The following FSTL4 variants were observed in gnomAD, a reference collection of about 807,000 sequenced individuals.
The protein encoded by FSTL4 is follistatin like 4, also known as follistatin-related protein 4.
In FSTL4, 28 loss-of-function variants were observed where a neutral mutation model predicts 78.2. The observed-to-expected ratio is 0.36, with a 90% CI of 0.27 to 0.49. The LOEUF is 0.49. Among genes scored for constraint, FSTL4 ranks in the 20% least tolerant of loss-of-function variants. The pLI is 0.98. For missense variants in FSTL4, 922 were observed against 1,084.9 expected (o/e 0.85, Z 2.11); for synonymous variants, 422 against 440.5 (o/e 0.96, Z 0.53).
intron 2 of FSTL4, among the ~76,000 whole-genome samples, chr5:133,573,645 CTG>C (rs1760210140): frequency 6.6e-6 from 1 of 152,132 alleles, no homozygotes; most frequent in Non-Finnish European, 1.5e-5. Context: ...TAAAAAATCT[CTG>C]TCTTTAACTG....
intron 3 of FSTL4, among the ~76,000 whole-genome samples, chr5:133,502,279 C>A (rs1053278871): frequency 6.6e-6 from 1 of 152,158 alleles, no homozygotes; most frequent in African/African-American, 2.4e-5. Context: ...AAGCAGAGAG[C>A]TTTGTCTGGC....
intron 3 of FSTL4, among the ~76,000 whole-genome samples, chr5:133,424,520 T>A (rs998394977): frequency 2.5e-4 from 38 of 152,236 alleles, no homozygotes; most frequent in African/African-American, 9.2e-4. Flanking sequence ...GTCTTTAGAA[T>A]GTCCAGGGGC....
chr5:133,475,810 C>G (rs1757915885), intron 3 of FSTL4, among the ~76,000 whole-genome samples: 2 of 152,200 alleles, frequency 1.3e-5, no homozygotes. Flanking sequence ...CCCGCTACTT[C>G]AACAATTTGC....
intron 3 of FSTL4, 136 bp from the exon 4 acceptor site, chr5:133,401,122 T>TGGG (rs936602682): frequency 7.4e-6 from 7 of 948,028 alleles, no homozygotes; most frequent in Admixed American, 2.2e-5. Context: ...CCTGGGGGCT[T>TGGG]GGGGTCTCCT....
At chr5:133,260,013 GCCT>G (rs1449042179) in intron 6 of FSTL4, among the ~76,000 whole-genome samples, 1 of 152,094 alleles carries the variant, frequency 6.6e-6, no homozygotes, top group Non-Finnish European at 1.5e-5. Flanking sequence ...CACTTTCTTG[GCCT>G]CCTCCAGTGA....
At chr5:133,308,173 T>A (rs1379976190) in intron 6 of FSTL4, among the ~76,000 whole-genome samples, 2 of 152,200 alleles carry the variant, frequency 1.3e-5, no homozygotes, top group Admixed American at 6.5e-5. Flanking sequence ...GTGAATCAGT[T>A]CTTCGGCCAC....
chr5:133,303,302 A>G (rs1342868076), intron 6 of FSTL4, among the ~76,000 whole-genome samples: 2 of 152,234 alleles, frequency 1.3e-5, no homozygotes, highest in Non-Finnish European at 2.9e-5. Flanking sequence ...CACGATAAGT[A>G]GGGATCAGTA....
intron 3 of FSTL4, among the ~76,000 whole-genome samples, chr5:133,504,268 A>G (rs1758566418): frequency 6.6e-6 from 1 of 152,082 alleles, no homozygotes; most frequent in Non-Finnish European, 1.5e-5. Context: ...AAAAGGCAGG[A>G]ATCTAGGAAG....
chr5:133,723,646 G>T, the FSTL4 span, among the ~76,000 whole-genome samples: 1 of 152,214 alleles, frequency 6.6e-6, no homozygotes, highest in Admixed American at 6.5e-5. Flanking sequence ...GTAGGCAGGG[G>T]ATTGTGGCTG....
chr5:133,735,980 G>T, the FSTL4 span, among the ~76,000 whole-genome samples: 5 of 152,308 alleles, frequency 3.3e-5, no homozygotes, highest in South Asian at 8.3e-4. Context: ...AGAGGAAGAT[G>T]ACAGTGGGTA....
intron 8 of FSTL4, among the ~76,000 whole-genome samples, chr5:133,229,547 G>A (rs1008064774): frequency 2.6e-5 from 4 of 151,984 alleles, no homozygotes; most frequent in Non-Finnish European, 5.9e-5. Flanking sequence ...AGTTGGTCAG[G>A]GCTTGACAAA....
chr5:133,834,458 C>T, the FSTL4 span, among the ~76,000 whole-genome samples: 1 of 151,636 alleles, frequency 6.6e-6, no homozygotes, highest in Non-Finnish European at 1.5e-5. Context: ...AAGTGAAATA[C>T]CATCCTGCCA....
the FSTL4 span, among the ~76,000 whole-genome samples, chr5:133,803,938 G>A: frequency 6.6e-6 from 1 of 152,192 alleles, no homozygotes; most frequent in Non-Finnish European, 1.5e-5. Context: ...TGGAAGCTAT[G>A]AGCCAATGAG....
At chr5:133,756,236 T>C in the FSTL4 span, among the ~76,000 whole-genome samples, 4 of 151,790 alleles carry the variant, frequency 2.6e-5, no homozygotes, top group Non-Finnish European at 5.9e-5. Context: ...AGGCACAATG[T>C]CCTGGGATGG....
chr5:133,656,520 G>A, the FSTL4 span, among the ~76,000 whole-genome samples: 3 of 152,104 alleles, frequency 2.0e-5, no homozygotes, highest in African/African-American at 7.2e-5. Context: ...TTGAGACTCA[G>A]GGGGAATACA....
intron 11 of FSTL4, among the ~76,000 whole-genome samples, chr5:133,223,865 C>G (rs1461884696): frequency 2.0e-5 from 3 of 151,998 alleles, no homozygotes; most frequent in African/African-American, 7.3e-5. Flanking sequence ...ACAAGATAGG[C>G]AAAACACTAA....
At chr5:133,443,936 C>G (rs1378846917) in intron 3 of FSTL4, among the ~76,000 whole-genome samples, 1 of 152,202 alleles carries the variant, frequency 6.6e-6, no homozygotes. Flanking sequence ...TTAGACATTG[C>G]TTGGTCCTAG....
intron 3 of FSTL4, among the ~76,000 whole-genome samples, chr5:133,553,212 C>G (rs1014658762): frequency 3.3e-5 from 5 of 152,192 alleles, no homozygotes; most frequent in African/African-American, 1.2e-4. Flanking sequence ...TAGCCTGGAC[C>G]AGCATCTTCC....
chr5:133,691,373 C>G, the FSTL4 span, among the ~76,000 whole-genome samples: 2 of 152,102 alleles, frequency 1.3e-5, no homozygotes, highest in Non-Finnish European at 2.9e-5. Context: ...TGGCAACACT[C>G]GGCCCAGACT....
Sources: gnomAD v4.1 joint callset for allele counts (sites outside exome capture counted in the v4.1 genomes callset) on GRCh38, gnomAD v4.1.1 for gene constraint, MANE v1.5 for transcripts, NCBI Gene and HGNC (gene_info 2026-07-23, HGNC 2026-07-21) for gene names.